Variants in SNAP91 observed in about 807,000 individuals in gnomAD.
SNAP91 encodes the protein synaptosome associated protein 91.
Under a neutral mutation model 100.3 loss-of-function variants are expected in SNAP91, and 27 were observed. That is an observed-to-expected ratio of 0.27 (90% confidence interval 0.20 to 0.37). SNAP91 has a LOEUF of 0.37. Among genes scored for constraint, SNAP91 ranks in the 10% least tolerant of loss-of-function variants. SNAP91 has a pLI of 1.00. For synonymous variants in SNAP91, 404 were observed against 398.6 expected (o/e 1.01, Z -0.16); for missense variants, 986 against 1,123.7 (o/e 0.88, Z 1.75).
chr6:83,556,304 A>C, intron 28 of SNAP91, 59 bp from the exon 29 acceptor site: 2 of 255,546 alleles, frequency 7.8e-6, no homozygotes, highest in East Asian at 1.6e-4. Flanking sequence ...AGAATGAGAC[A>C]TGGGGGGAAG....
chr6:83,686,257 A>G (rs1289382862), intron 2 of SNAP91: 2 of 909,456 alleles, frequency 2.2e-6, no homozygotes, highest in Non-Finnish European at 2.6e-6. Context: ...GAACCCTCAC[A>G]GGTAATAGTT....
At chr6:83,686,242 TAGATGAACCCTCACAGGTA>T (rs1343358665) in intron 2 of SNAP91, 2 of 963,376 alleles carry the variant, frequency 2.1e-6, no homozygotes, top group Non-Finnish European at 2.5e-6. Flanking sequence ...CATACGAAAT[TAGATGAACCCTCACAGGTA>T]ATAGTTGGTT....
chr6:83,605,185 C>A (rs2095532261), intron 14 of SNAP91, among the ~76,000 whole-genome samples: 1 of 151,784 alleles, frequency 6.6e-6, no homozygotes, highest in African/African-American at 2.4e-5. Context: ...TTTTCTGGTA[C>A]AAATAAGAAT....
At chr6:83,706,359 C>A (rs1053801851) in intron 2 of SNAP91, among the ~76,000 whole-genome samples, 5 of 152,216 alleles carry the variant, frequency 3.3e-5, no homozygotes, top group Admixed American at 2.6e-4. Flanking sequence ...GCAAAGTGAT[C>A]TGGTCACAAA....
intron 27 of SNAP91, among the ~76,000 whole-genome samples, chr6:83,560,543 T>C (rs1213976668): frequency 6.6e-6 from 1 of 152,176 alleles, no homozygotes; most frequent in Non-Finnish European, 1.5e-5. Context: ...GCTGGTAAAA[T>C]TGGTGAGTAA....
chr6:83,554,576 G>C (rs567105328), intron 29 of SNAP91, among the ~76,000 whole-genome samples: 2 of 152,222 alleles, frequency 1.3e-5, no homozygotes, highest in East Asian at 3.9e-4. Flanking sequence ...AATTTTAGTA[G>C]CAGGACATTC....
intron 2 of SNAP91, among the ~76,000 whole-genome samples, chr6:83,669,424 C>T (rs1285532161): frequency 1.3e-5 from 2 of 151,752 alleles, no homozygotes; most frequent in Non-Finnish European, 2.9e-5. Context: ...TCTTAGAATT[C>T]TAAGTTTTAT....
At chr6:83,608,795 C>A (rs2095810939) in intron 12 of SNAP91, among the ~76,000 whole-genome samples, 1 of 151,794 alleles carries the variant, frequency 6.6e-6, no homozygotes, top group Non-Finnish European at 1.5e-5. Flanking sequence ...AGTCAAAATT[C>A]AATAGTTATG....
At chr6:83,673,223 T>C (rs944536245) in intron 2 of SNAP91, among the ~76,000 whole-genome samples, 1 of 152,096 alleles carries the variant, frequency 6.6e-6, no homozygotes, top group Admixed American at 6.6e-5. Context: ...GCCAAATTCA[T>C]ATGTTGAAAT....
At chr6:83,573,249 G>A (rs952852709) in intron 26 of SNAP91, among the ~76,000 whole-genome samples, 5 of 152,188 alleles carry the variant, frequency 3.3e-5, no homozygotes, top group Admixed American at 3.3e-4. Flanking sequence ...TACAAGGGAT[G>A]TGAAGGACCT....
At chr6:83,559,902 A>T (rs907899837) in intron 28 of SNAP91, among the ~76,000 whole-genome samples, 4 of 152,136 alleles carry the variant, frequency 2.6e-5, no homozygotes, top group African/African-American at 9.7e-5. Flanking sequence ...GAATGGAGGG[A>T]TCTTTAGACA....
At position 83,594,609 on chromosome 6, in the gene SNAP91, A is replaced by G; in HGVS notation, c.1325-128T>C. On this transcript the variant is annotated intron_variant, in intron 16 of 29. Transcript: ENST00000369694. ...CATGAATTTTTAAAAATGCATTTTT[A>G]TGGCCCATGCGCTGTCGGTGGTCAC... 1.2e-5 allele frequency: 7 copies of G among 589,472 alleles called. No homozygotes were observed. In the South Asian group the frequency reaches 1.6e-4, roughly 13 times the overall value. The allele number at this position is 589,472 out of a possible 1,614,324, so 36.5% of individuals were successfully genotyped here.
chr6:83,643,190 T>A (rs1453911398), intron 7 of SNAP91, among the ~76,000 whole-genome samples: 1 of 152,198 alleles, frequency 6.6e-6, no homozygotes, highest in African/African-American at 2.4e-5. Context: ...GCTCTTTAGT[T>A]TAATTAGATC....
intron 24 of SNAP91, among the ~76,000 whole-genome samples, chr6:83,577,835 C>T (rs1488480588): frequency 1.3e-5 from 2 of 152,076 alleles, no homozygotes; most frequent in Non-Finnish European, 2.9e-5. Flanking sequence ...TTTGTCACCA[C>T]AAAAAGAAAC....
intron 29 of SNAP91, among the ~76,000 whole-genome samples, chr6:83,554,561 T>C (rs1353705748): frequency 6.6e-6 from 1 of 152,148 alleles, no homozygotes; most frequent in Non-Finnish European, 1.5e-5. Flanking sequence ...TAGATACATA[T>C]TAGAAATTTT....
chr6:83,695,031 G>C (rs1188892828), intron 2 of SNAP91, among the ~76,000 whole-genome samples: 1 of 152,028 alleles, frequency 6.6e-6, no homozygotes, highest in Non-Finnish European at 1.5e-5. Context: ...CAATACTTTG[G>C]GAGGCCGAGG....
chr6:83,556,686 T>C (rs1375238702), intron 28 of SNAP91, among the ~76,000 whole-genome samples: 1 of 152,130 alleles, frequency 6.6e-6, no homozygotes, highest in East Asian at 1.9e-4. Flanking sequence ...CAAACAACCG[T>C]TTTCTCTATA....
intron 2 of SNAP91, among the ~76,000 whole-genome samples, chr6:83,697,753 T>C (rs2099238347): frequency 6.6e-6 from 1 of 152,174 alleles, no homozygotes; most frequent in Non-Finnish European, 1.5e-5. Flanking sequence ...CTTCCGAAGT[T>C]TATTGGGTAA....
At position 83,593,731 on chromosome 6, in the gene SNAP91, G is replaced by T; in HGVS notation, c.1443C>A (p.Ala481=). Residue 481 remains alanine, a synonymous_variant, in exon 18 of 30, where the codon GCC becomes GCA. Coordinates refer to ENST00000369694, the MANE Select transcript of SNAP91 (RefSeq NM_001242792.2). ...CAGCCTCTGCACTACCTTCAGACGG[G>T]GCAAAGGGGTCTTTTGGAAAGGAAA... ...LDACSGNDPF[A]PSEGSAEAAP... The T allele has an allele frequency of 6.4e-7, 1 of 1,567,290 alleles. No individual in the cohort carries two copies. Among genetic ancestry groups the T allele is most frequent in the Non-Finnish European group, 8.7e-7 (1 of 1,155,010 alleles).
Sources: allele counts gnomAD v4.1 joint callset (sites outside exome capture counted in the v4.1 genomes callset), GRCh38; gene constraint gnomAD v4.1.1; transcripts MANE v1.5; gene names NCBI Gene and HGNC (gene_info 2026-07-23, HGNC 2026-07-21).